Variants in RECK observed in about 807,000 individuals in gnomAD.
RECK encodes reversion-inducing cysteine-rich protein with Kazal motifs.
A neutral mutation model predicts 115.1 loss-of-function variants in RECK; 69 were observed. The observed-to-expected ratio is 0.60, with a 90% CI of 0.49 to 0.73. The LOEUF is 0.73. RECK is among the 30% of genes least tolerant of loss of function. The pLI, the probability that RECK is intolerant of heterozygous loss-of-function variation, is 0.00. For synonymous variants in RECK, 414 were observed against 419.7 expected (o/e 0.99, Z 0.17); for missense variants, 1,047 against 1,203.7 (o/e 0.87, Z 1.93).
Position 36,118,789 on chromosome 9 carries a change from G to A in RECK, c.2286G>A (p.Gly762=), listed in dbSNP as rs747476592. Residue 762 remains glycine (G), a synonymous_variant, in exon 18 of 21, where the codon GGG becomes GGA. Coordinates refer to ENST00000377966, the MANE Select transcript of RECK (RefSeq NM_021111.3). ...PFCRATEPVC[G]HNGETYSSVC... Reference sequence around the variant, plus strand: ...GCAGAGCAACCGAGCCCGTATGTGGGCACAATGGTGAGACCTACAGCAGTG... The same window carrying A: ...GCAGAGCAACCGAGCCCGTATGTGGACACAATGGTGAGACCTACAGCAGTG... 15 of 1,614,096 alleles carry A rather than the reference G, an allele frequency of 9.3e-6. No homozygotes were observed. The highest frequency in any genetic ancestry group is 1.0e-5 in the Non-Finnish European group (12 of 1,180,030).
intron 6 of RECK, among the ~76,000 whole-genome samples, chr9:36,071,934 T>G (rs919661237): frequency 6.6e-6 from 1 of 152,192 alleles, no homozygotes; most frequent in African/African-American, 2.4e-5. Context: ...GATTTTCACA[T>G]TGTTCAAAAT....
At chr9:36,056,574 G>A (rs1821534856) in intron 2 of RECK, among the ~76,000 whole-genome samples, 2 of 152,288 alleles carry the variant, frequency 1.3e-5, no homozygotes, top group Admixed American at 1.3e-4. Context: ...TTAGAGCAGA[G>A]CTATCCAATG....
rs1823279992 is a variant in RECK, at chr9:36,094,877, A to C, written c.1085+3534A>C. Among the ~76,000 whole-genome samples the C allele has an allele frequency of 6.6e-6, 1 of 152,190 alleles. No individual in the cohort carries two copies. Among genetic ancestry groups the C allele is most frequent in the African/African-American group, 2.4e-5 (1 of 41,448 alleles). ...ACACCTCTCCCTCACTAATAGAACA[A>C]ATGGAAAAAAATCAGTGAGGATATA... On this transcript the variant is annotated intron_variant, in intron 10 of 20. Coordinates refer to ENST00000377966, the MANE Select transcript of RECK (RefSeq NM_021111.3). The surrounding 1 kb of genome is among the most constrained non-coding windows in gnomAD (Gnocchi z 4.1).
intron 4 of RECK, among the ~76,000 whole-genome samples, chr9:36,060,877 C>T (rs562074641): frequency 7.9e-5 from 12 of 152,250 alleles, no homozygotes; most frequent in African/African-American, 2.9e-4. Flanking sequence ...ATCTGAAGCA[C>T]AAATCCAAAA....
chr9:36,108,056 G>T lies in RECK; in HGVS notation c.1657G>T (p.Gly553Cys). 6.2e-7 allele frequency: 1 copy of T among 1,614,008 alleles called. No homozygotes were observed. The highest frequency in any genetic ancestry group is 8.5e-7 in the Non-Finnish European group (1 of 1,179,892). The change falls in exon 14 of 21, where the codon GGT becomes TGT. Residue 553 changes from glycine to cysteine, a missense_variant. By Grantham distance (159) the Gly-to-Cys change is radical (BLOSUM62 -3). Transcript: ENST00000377966. ...IQVPSSAGEV[G>C]CYKICSCGQS... ...GGTGCCATCATCTGCAGGGGAAGTT[G>T]GTTGTTATAAAATCTGTTCATGTGG...
At chr9:36,090,800 C>T in intron 9 of RECK, among the ~76,000 whole-genome samples, 1 of 152,156 alleles carries the variant, frequency 6.6e-6, no homozygotes, top group Non-Finnish European at 1.5e-5. Context: ...GGGAATATAT[C>T]TTTGCAGAGG....
At chr9:36,044,344 T>G (rs1820994749) in intron 1 of RECK, among the ~76,000 whole-genome samples, 1 of 152,214 alleles carries the variant, frequency 6.6e-6, no homozygotes, top group Admixed American at 6.5e-5. Flanking sequence ...AAAACTTTAT[T>G]GAATTCGTTT....
chr9:36,120,577 A>T, intron 18 of RECK, 86 bp from the exon 19 acceptor site: 1 of 1,130,742 alleles, frequency 8.8e-7, no homozygotes, highest in South Asian at 1.3e-5. Context: ...TCCTGCCCAA[A>T]ATGAAGGGCT....
At chr9:36,111,833 G>A (rs1824056877) in intron 15 of RECK, among the ~76,000 whole-genome samples, 1 of 151,842 alleles carries the variant, frequency 6.6e-6, no homozygotes, top group African/African-American at 2.4e-5. Flanking sequence ...TTGTTAATAG[G>A]GGTCTCTACC....
intron 6 of RECK, among the ~76,000 whole-genome samples, chr9:36,074,861 TTTA>T (rs1481710685): frequency 6.6e-6 from 1 of 152,188 alleles, no homozygotes; most frequent in Non-Finnish European, 1.5e-5. Flanking sequence ...ACAGTAACAA[TTTA>T]TTATTTCTCA....
chr9:36,122,471 CTTCTT>C (rs1477532593), intron 20 of RECK, among the ~76,000 whole-genome samples: 1 of 151,936 alleles, frequency 6.6e-6, no homozygotes, highest in Non-Finnish European at 1.5e-5. Context: ...TTTCTTTTTT[CTTCTT>C]TTCTTTTCTT....
intron 7 of RECK, 63 bp downstream of exon 7, chr9:36,080,701 T>A: frequency 6.9e-7 from 1 of 1,451,780 alleles, no homozygotes. Flanking sequence ...TCTGAAGCAA[T>A]GTGCACAGCA....
intron 8 of RECK, among the ~76,000 whole-genome samples, chr9:36,086,458 C>G (rs896942273): frequency 6.6e-6 from 1 of 152,052 alleles, no homozygotes; most frequent in Non-Finnish European, 1.5e-5. Context: ...CGCAGACCTT[C>G]GCAGTGAGTG....
intron 4 of RECK, among the ~76,000 whole-genome samples, chr9:36,062,469 T>C (rs1347141731): frequency 6.6e-6 from 1 of 151,468 alleles, no homozygotes; most frequent in Non-Finnish European, 1.5e-5. Context: ...TCTTTTGTTG[T>C]TGTTGTTGTT....
intron 15 of RECK, among the ~76,000 whole-genome samples, chr9:36,110,949 C>T (rs1466714843): frequency 6.6e-6 from 1 of 152,150 alleles, no homozygotes; most frequent in Non-Finnish European, 1.5e-5. Flanking sequence ...AACACTACCC[C>T]AGCCTTCACT....
intron 6 of RECK, chr9:36,066,800 C>G (rs1251373450): frequency 1.6e-6 from 2 of 1,288,768 alleles, no homozygotes; most frequent in African/African-American, 3.0e-5. Flanking sequence ...GTGCTTCCTT[C>G]TCTTGTCTGG....
chr9:36,069,662 A>T (rs978548946), intron 6 of RECK, among the ~76,000 whole-genome samples: 1 of 152,130 alleles, frequency 6.6e-6, no homozygotes, highest in African/African-American at 2.4e-5. Context: ...ACAGAGGGGC[A>T]TGGGGCTGAA....
intron 6 of RECK, among the ~76,000 whole-genome samples, chr9:36,080,084 A>G (rs1822624908): frequency 6.6e-6 from 1 of 152,204 alleles, no homozygotes; most frequent in South Asian, 2.1e-4. Context: ...AGTCTTGTTT[A>G]AAATTTAGAT....
chr9:36,091,735 CT>C (rs140060101), intron 10 of RECK, among the ~76,000 whole-genome samples: 13,217 of 152,198 alleles, frequency 0.087, 706 homozygotes, highest in East Asian at 0.29. Flanking sequence ...TGTGAGTCCC[CT>C]GTTTCATACA....
Sources: allele counts gnomAD v4.1 joint callset (sites outside exome capture counted in the v4.1 genomes callset), GRCh38; gene constraint gnomAD v4.1.1; non-coding constraint Gnocchi (gnomAD v3.1); transcripts MANE v1.5; gene names NCBI Gene and HGNC (gene_info 2026-07-23, HGNC 2026-07-21).